SEMA5B: variants seen among roughly 807,000 people sequenced by gnomAD.
SEMA5B encodes the protein semaphorin 5B.
In SEMA5B, 66 loss-of-function variants were observed where a neutral mutation model predicts 135.0. The observed-to-expected ratio is 0.49, with a 90% confidence interval of 0.40 to 0.60. The LOEUF (loss-of-function observed/expected upper bound fraction) is 0.60. Ranked by LOEUF, SEMA5B falls within the 20% of genes least tolerant of loss-of-function variation. The pLI is 0.00. For synonymous variants in SEMA5B, 690 were observed against 639.5 expected (o/e 1.08, Z -1.19); for missense variants, 1,501 against 1,566.3 (o/e 0.96, Z 0.70).
intron 12 of SEMA5B, among the ~76,000 whole-genome samples, chr3:122,920,812 C>T (rs1280914835): frequency 6.6e-6 from 1 of 152,206 alleles, no homozygotes; most frequent in African/African-American, 2.4e-5. Flanking sequence ...AGGTTCTCTT[C>T]CCACCCAGAT....
At chr3:123,020,833 G>T (rs1942658091) in intron 1 of SEMA5B, among the ~76,000 whole-genome samples, 1 of 152,182 alleles carries the variant, frequency 6.6e-6, no homozygotes, top group Non-Finnish European at 1.5e-5. Flanking sequence ...ACCAAGCCAC[G>T]GTTACCTGTA....
At chr3:122,944,459 A>G (rs1301380691) in intron 3 of SEMA5B, among the ~76,000 whole-genome samples, 2 of 152,166 alleles carry the variant, frequency 1.3e-5, no homozygotes, top group Admixed American at 6.5e-5. Context: ...GCCAAGAAAG[A>G]CTTTGCTTCC....
chr3:122,914,017 G>A lies in SEMA5B; in HGVS notation c.1989-16C>T. ...CGCCCCATTCCTGGCGGGGTGGGAG[G>A]GGACAGAGACAGATGCCCCTCTGAG... is the stretch of plus-strand genomic sequence containing the variant. On this transcript the variant is annotated splice_polypyrimidine_tract_variant and intron_variant, in intron 14 of 22. Coordinates refer to ENST00000357599, the MANE Select transcript of SEMA5B (RefSeq NM_001031702.4). 1 of 1,569,620 alleles carries A rather than the reference G, an allele frequency of 6.4e-7. No individual in the cohort carries two copies. The highest frequency in any genetic ancestry group is 8.6e-7 in the Non-Finnish European group (1 of 1,156,440).
At chr3:122,957,216 G>T (rs762742744) in intron 2 of SEMA5B, among the ~76,000 whole-genome samples, 42 of 152,374 alleles carry the variant, frequency 2.8e-4, no homozygotes, top group Admixed American at 2.0e-4. Flanking sequence ...GCTTTGGGAA[G>T]TTTGGTGGCA....
intron 5 of SEMA5B, among the ~76,000 whole-genome samples, chr3:122,930,580 T>C (rs546527097): frequency 2.2e-4 from 34 of 152,294 alleles, no homozygotes; most frequent in African/African-American, 8.2e-4. Flanking sequence ...TGGGCGGCTC[T>C]GCGAGGACCG....
chr3:122,997,768 C>G (rs1342417818), intron 1 of SEMA5B, among the ~76,000 whole-genome samples: 1 of 152,100 alleles, frequency 6.6e-6, no homozygotes, highest in Non-Finnish European at 1.5e-5. Context: ...CCAAAGTCAC[C>G]AGCAGCCAGA....
At chr3:122,993,136 A>G (rs1941927494) in intron 1 of SEMA5B, 1 of 152,260 alleles carries the variant, frequency 6.6e-6, no homozygotes. Flanking sequence ...TGAGGTCAGC[A>G]AGAAAACCTG....
At position 122,927,919 on chromosome 3, in the gene SEMA5B, T is replaced by G; in HGVS notation, c.721A>C (p.Ile241Leu). Residue 241 changes from isoleucine to leucine, a missense_variant, in exon 8 of 23, where the codon ATC becomes CTC. Around this residue, in one of 2 missense-constraint regions of SEMA5B, gnomAD observed 574 missense variants for 684.7 expected, o/e 0.84. Transcript: ENST00000357599. ...GCATAGAGCTCCCCCTGGGAGGAGA[T>G]GACAGCTGTGGAGTTGTGGCGTGGG... ...YDPRHNSTAV[I>L]SSQGELYAAT... 3 of 1,594,124 alleles carry G rather than the reference T, an allele frequency of 1.9e-6. No individual in the cohort carries two copies. Among genetic ancestry groups the G allele is most frequent in the Non-Finnish European group, 2.6e-6 (3 of 1,169,530 alleles).
In SEMA5B at chr3:122,966,566, A is replaced by ATTATTTTTT. The variant is rs1291373854; in HGVS notation, c.-38-5266_-38-5265insAAAAAATAA. Reference sequence around the variant, plus strand: ...TATTATTATTATTATTATTATTATTATTTTTTGAGACGGAGTCTCGCTCTA... The same window carrying ATTATTTTTT: ...TATTATTATTATTATTATTATTATTATTATTTTTTTTTTTTGAGACGGAGTCTCGCTCTA... On this transcript the variant is annotated intron_variant, in intron 1 of 22. Coordinates refer to ENST00000357599, the MANE Select transcript of SEMA5B (RefSeq NM_001031702.4). Among the ~76,000 whole-genome samples, 66 of 115,882 alleles carry ATTATTTTTT rather than the reference A, an allele frequency of 5.7e-4. 1 individual carries two copies. The highest frequency in any genetic ancestry group is 2.0e-3 in the African/African-American group (63 of 31,146). 76.0% of individuals were successfully genotyped at this position (115,882 alleles called of 152,430 possible). A position where few individuals can be genotyped will look rare whatever the true frequency, so the allele number is the denominator to read the frequency against.
Position 122,999,735 on chromosome 3 carries a change from A to G in SEMA5B, c.-39+27729T>C, listed in dbSNP as rs558770374. On this transcript the variant is annotated intron_variant, in intron 1 of 22. Transcript: ENST00000357599. ...GGCTGGCTCCATGAAGACTGCCAGC[A>G]TCTGGTTCCACGCTGATACTTGGTC... Among the ~76,000 whole-genome samples the G allele has an allele frequency of 2.0e-5, 3 of 152,342 alleles. No individual in the cohort carries two copies. The South Asian group carries it at 6.2e-4, about 32-fold the overall frequency.
At chr3:122,911,325 G>T (rs762374090) in intron 21 of SEMA5B, 166 bp downstream of exon 21, 2 of 1,523,126 alleles carry the variant, frequency 1.3e-6, no homozygotes, top group Non-Finnish European at 1.8e-6. Flanking sequence ...AGCTGGGGGG[G>T]GCATGGAGGG....
chr3:122,910,389 C>T (rs530922616), intron 22 of SEMA5B, 88 bp from the exon 23 acceptor site: 195 of 1,376,928 alleles, frequency 1.4e-4, no homozygotes, highest in Non-Finnish European at 1.8e-4. Context: ...AGAAGCCAGC[C>T]GTGCAAGAAC....
At position 122,913,595 on chromosome 3, in the gene SEMA5B, C is replaced by G; in HGVS notation, c.2219G>C (p.Gly740Ala). 1 of 1,613,438 alleles carries G rather than the reference C, an allele frequency of 6.2e-7. No homozygotes were observed. Among genetic ancestry groups the G allele is most frequent in the Non-Finnish European group, 8.5e-7 (1 of 1,179,944 alleles). ...SWSKCSSNCG[G>A]GMQSRRRACE... ...GGCCCGACGCCGCGACTGCATGCCC[C>G]CTCCACAGTTGCTGCTGCACTTGCT... The change falls in exon 16 of 23, where the codon GGG becomes GCG. Residue 740 changes from glycine (G) to alanine (A), a missense_variant. Physicochemically the swap from Gly to Ala is moderately conservative, Grantham distance 60. Coordinates refer to ENST00000357599, the MANE Select transcript of SEMA5B (RefSeq NM_001031702.4).
intron 12 of SEMA5B, 45 bp from the exon 13 acceptor site, chr3:122,915,935 C>A (rs757103695): frequency 6.8e-7 from 1 of 1,464,806 alleles, no homozygotes; most frequent in Non-Finnish European, 9.6e-7. Context: ...GGCTTCCCAG[C>A]CTCACCTGCA....
chr3:122,940,914 A>G (rs900310202), intron 4 of SEMA5B, among the ~76,000 whole-genome samples: 1 of 152,362 alleles, frequency 6.6e-6, no homozygotes, highest in African/African-American at 2.4e-5. Flanking sequence ...TAACACAGGC[A>G]TCTGCTCACA....
chr3:122,913,186 G>A lies in SEMA5B; in HGVS notation c.2506+13C>T, dbSNP rs780812478. The A allele has an allele frequency of 5.8e-6, 9 of 1,548,124 alleles. No individual in the cohort carries two copies. Among genetic ancestry groups the A allele is most frequent in the Admixed American group, 3.7e-5 (2 of 54,232 alleles). On this transcript the variant is annotated intron_variant, in intron 17 of 22. Transcript: ENST00000357599. ...TGGGAGAGAGGAAGGAGGGGGCGCC[G>A]GGCGCGGGGTACCGTCGGTGTCGCA...
rs556566889 is a variant in SEMA5B at position 123,023,796 on chromosome 3, C to G, written c.-39+3668G>C. Among the ~76,000 whole-genome samples the G allele has an allele frequency of 2.0e-5, 3 of 152,316 alleles. No individual in the cohort carries two copies. In the South Asian group the frequency reaches 6.2e-4, roughly 32 times the overall value. ...TACCCTTAGTCATGCTGATTTACCC[C>G]ATCCTGGGAGATCAGAGGCATGTGT... On this transcript the variant is annotated intron_variant, in intron 1 of 22. Transcript: ENST00000357599.
In SEMA5B at chr3:122,912,912, G is replaced by A; in HGVS notation, c.2656C>T (p.Arg886Cys). The change falls in exon 18 of 23, where the codon CGC becomes TGC. Residue 886 changes from arginine to cysteine, a missense_variant. Arg to Cys is a radical substitution (Grantham distance 180). Transcript: ENST00000357599. ...RKRTCTNPEP[R>C]NGGLPCVGDA... ...CCCACGCAGGGCAGGCCCCCGTTGC[G>A]GGGCTCCGGGTTAGTGCACGTTCTC... is the stretch of plus-strand genomic sequence containing the variant. 1 of 1,611,884 alleles carries A rather than the reference G, an allele frequency of 6.2e-7. No individual in the cohort carries two copies. The highest frequency in any genetic ancestry group is 8.5e-7 in the Non-Finnish European group (1 of 1,179,062).
chr3:123,018,829 C>A (rs1942616451), intron 1 of SEMA5B, among the ~76,000 whole-genome samples: 1 of 152,110 alleles, frequency 6.6e-6, no homozygotes, highest in African/African-American at 2.4e-5. Flanking sequence ...AAAGTAGCAC[C>A]CAAATTCTTC....
Sources: allele counts gnomAD v4.1 joint callset (sites outside exome capture counted in the v4.1 genomes callset), GRCh38; gene constraint gnomAD v4.1.1; regional missense constraint gnomAD v4.1.1; transcripts MANE v1.5; gene names NCBI Gene and HGNC (gene_info 2026-07-23, HGNC 2026-07-21).